RBFOX1: variants seen among roughly 807,000 people sequenced by gnomAD.
RBFOX1 encodes the protein RNA binding protein fox-1 homolog 1.
A neutral mutation model predicts 57.7 loss-of-function variants in RBFOX1; 8 were observed. The observed-to-expected ratio is 0.14, with a 90% CI of 0.08 to 0.25. The LOEUF (loss-of-function observed/expected upper bound fraction) is 0.25, where lower values mean the gene tolerates loss of function less well. Among genes scored for constraint, RBFOX1 ranks in the 10% least tolerant of loss-of-function variants. The pLI, the probability that RBFOX1 is intolerant of heterozygous loss-of-function variation, is 1.00. For missense variants in RBFOX1, 611 were observed against 548.5 expected, an observed-to-expected ratio of 1.11 and a Z score of -1.14; for synonymous variants, 326 against 222.4, an observed-to-expected ratio of 1.47 and a Z score of -4.15.
intron 1 of RBFOX1, among the ~76,000 whole-genome samples, chr16:5,454,759 C>CCTTTTCTTCTCT (rs1443026348): frequency 1.3e-5 from 1 of 75,950 alleles, no homozygotes; most frequent in Non-Finnish European, 2.8e-5. Context: ...CTTTTCTTTT[C>CCTTTTCTTCTCT]TTTCTTTCTC....
intron 3 of RBFOX1, among the ~76,000 whole-genome samples, chr16:6,992,608 A>G (rs1191336673): frequency 6.6e-6 from 1 of 152,094 alleles, no homozygotes; most frequent in Non-Finnish European, 1.5e-5. Flanking sequence ...ATGCACATAA[A>G]GGACTTAAAA....
chr16:7,437,015 A>G (rs1216240359), intron 4 of RBFOX1, among the ~76,000 whole-genome samples: 1 of 152,188 alleles, frequency 6.6e-6, no homozygotes, highest in Non-Finnish European at 1.5e-5. Context: ...CAGGAGGTGG[A>G]GATTGCAGTA....
intron 2 of RBFOX1, among the ~76,000 whole-genome samples, chr16:5,528,407 C>T (rs2044327076): frequency 1.3e-5 from 2 of 152,170 alleles, no homozygotes; most frequent in African/African-American, 4.8e-5. Flanking sequence ...GTTGTGTTAA[C>T]TCTGTGCTTG....
At chr16:6,756,545 C>T (rs1266510027) in intron 3 of RBFOX1, among the ~76,000 whole-genome samples, 1 of 152,046 alleles carries the variant, frequency 6.6e-6, no homozygotes, top group South Asian at 2.1e-4. Flanking sequence ...AGAATGGGAG[C>T]AAATATTTGC....
chr16:5,829,589 C>T (rs994659900), intron 3 of RBFOX1, among the ~76,000 whole-genome samples: 2 of 152,112 alleles, frequency 1.3e-5, no homozygotes, highest in Non-Finnish European at 2.9e-5. Flanking sequence ...ACATCCCCCT[C>T]CATCCCCTCC....
intron 4 of RBFOX1, among the ~76,000 whole-genome samples, chr16:7,480,992 C>G (rs2063798549): frequency 6.6e-6 from 1 of 152,154 alleles, no homozygotes; most frequent in African/African-American, 2.4e-5. Flanking sequence ...TGCTACCTGC[C>G]ATGCATGATA....
chr16:5,985,192 C>A (rs994422362), intron 4 of RBFOX1, among the ~76,000 whole-genome samples: 17 of 151,140 alleles, frequency 1.1e-4, no homozygotes, highest in African/African-American at 4.1e-4. Flanking sequence ...CGGGGTTTCA[C>A]CGTGTTAGCC....
chr16:7,043,966 C>G (rs1431239685), intron 3 of RBFOX1, among the ~76,000 whole-genome samples: 3 of 152,214 alleles, frequency 2.0e-5, no homozygotes, highest in East Asian at 1.9e-4. Flanking sequence ...TTTTTCAATT[C>G]TCCAAGACAA....
At chr16:6,432,674 C>A (rs1489510305) in intron 2 of RBFOX1, among the ~76,000 whole-genome samples, 1 of 150,602 alleles carries the variant, frequency 6.6e-6, no homozygotes, top group East Asian at 2.0e-4. Context: ...AGATTGAGAC[C>A]CTGTCTCAAG....
At chr16:6,858,399 T>C (rs2058301843) in intron 3 of RBFOX1, among the ~76,000 whole-genome samples, 1 of 152,208 alleles carries the variant, frequency 6.6e-6, no homozygotes, top group South Asian at 2.1e-4. Context: ...GGTTTTGTGT[T>C]GTTCTTTCTT....
At chr16:5,909,411 AT>A (rs1196067668) in intron 4 of RBFOX1, among the ~76,000 whole-genome samples, 4 of 152,134 alleles carry the variant, frequency 2.6e-5, no homozygotes, top group African/African-American at 9.7e-5. Context: ...TCTAAAAAAA[AT>A]AAAATAAAAT....
At position 6,913,791 on chromosome 16, in the gene RBFOX1, A is replaced by C. The variant is rs569845117; in HGVS notation, c.-15-138266A>C. On this transcript the variant is annotated intron_variant, in intron 3 of 15. Coordinates refer to ENST00000550418, the MANE Select transcript of RBFOX1 (RefSeq NM_018723.4). The stretch of plus-strand genomic sequence containing the variant: ...TGTGGGAAGCTATTGAGTCTGAAAC[A>C]CACAGTGACAGCAGGCATGCTAAAC... Among the ~76,000 whole-genome samples the C allele has an allele frequency of 3.8e-4, 58 of 152,278 alleles. 1 individual carries two copies. Among genetic ancestry groups the C allele is most frequent in the African/African-American group, 1.4e-3 (57 of 41,554 alleles).
At chr16:6,478,985 A>G (rs1470738886) in intron 2 of RBFOX1, among the ~76,000 whole-genome samples, 1 of 152,252 alleles carries the variant, frequency 6.6e-6, no homozygotes, top group African/African-American at 2.4e-5. Flanking sequence ...AAGTGGCACC[A>G]ATAGACTTGC....
intron 3 of RBFOX1, among the ~76,000 whole-genome samples, chr16:5,670,531 G>A (rs143661775): frequency 6.6e-6 from 1 of 152,174 alleles, no homozygotes; most frequent in African/African-American, 2.4e-5. Flanking sequence ...CACAAGCCCT[G>A]ATTTTCATTT....
Position 5,746,564 on chromosome 16 carries a change from T to C in RBFOX1, c.319-120739T>C, listed in dbSNP as rs369264790. 3.1e-3 allele frequency among the ~76,000 whole-genome samples: 467 copies of C among 152,360 alleles called. 6 individuals are homozygous for C. The highest frequency in any genetic ancestry group is 0.011 in the African/African-American group (448 of 41,586). On this transcript the variant is annotated intron_variant, in intron 3 of 19. Transcript: ENST00000641259. The stretch of plus-strand genomic sequence containing the variant: ...ATCTTCACGATATTGGTTCTTCCTA[T>C]CCATGAGCATGGAATGTTCTTCTAT...
intron 3 of RBFOX1, among the ~76,000 whole-genome samples, chr16:7,020,263 T>C (rs56120742): frequency 0.042 from 6,465 of 152,220 alleles, 485 homozygotes; most frequent in African/African-American, 0.15. Flanking sequence ...TCTTGCCCTG[T>C]TACCCAGGCT....
At chr16:7,238,398 C>T (rs1271022563) in intron 4 of RBFOX1, among the ~76,000 whole-genome samples, 2 of 152,160 alleles carry the variant, frequency 1.3e-5, no homozygotes, top group East Asian at 1.9e-4. Context: ...CATCTGCCAG[C>T]TGCCCTTGTC....
chr16:6,818,023 T>G (rs2090481397), intron 3 of RBFOX1, among the ~76,000 whole-genome samples: 1 of 152,168 alleles, frequency 6.6e-6, no homozygotes, highest in South Asian at 2.1e-4. Flanking sequence ...GTGGCTAAAC[T>G]TTTTGTGTCT....
At chr16:5,440,081 T>C (rs1033033224) in intron 1 of RBFOX1, among the ~76,000 whole-genome samples, 1 of 152,218 alleles carries the variant, frequency 6.6e-6, no homozygotes, top group Non-Finnish European at 1.5e-5. Context: ...TGATTTATCC[T>C]CCTGAAATGA....
Sources: allele counts gnomAD v4.1 joint callset (sites outside exome capture counted in the v4.1 genomes callset), GRCh38; gene constraint gnomAD v4.1.1; transcripts MANE v1.5; gene names NCBI Gene and HGNC (gene_info 2026-07-23, HGNC 2026-07-21).